CPQ: variants seen among roughly 807,000 people sequenced by gnomAD.
CPQ encodes the protein carboxypeptidase Q.
Under a neutral mutation model 45.7 loss-of-function variants are expected in CPQ, and 37 were observed. That is an observed-to-expected ratio of 0.81 (90% CI 0.62 to 1.07). The LOEUF is 1.07. Ranked by LOEUF, CPQ falls within the 50% of genes least tolerant of loss-of-function variation. The pLI is 0.00. For synonymous variants in CPQ, 186 were observed against 205.8 expected (o/e 0.90, Z 0.82); for missense variants, 537 against 572.9 (o/e 0.94, Z 0.64).
chr8:96,751,625 G>A (rs539837993), intron 1 of CPQ, among the ~76,000 whole-genome samples: 2 of 152,244 alleles, frequency 1.3e-5, no homozygotes, highest in African/African-American at 4.8e-5. Flanking sequence ...TTGCTGTGCA[G>A]AAGCTCTTTA....
intron 2 of CPQ, among the ~76,000 whole-genome samples, chr8:96,800,828 A>G (rs1217507816): frequency 6.6e-6 from 1 of 152,226 alleles, no homozygotes; most frequent in Non-Finnish European, 1.5e-5. Flanking sequence ...TTTTCTACTT[A>G]GGACATTGTG....
At chr8:97,041,154 T>G (rs1337576156) in intron 6 of CPQ, among the ~76,000 whole-genome samples, 1 of 152,218 alleles carries the variant, frequency 6.6e-6, no homozygotes, top group Non-Finnish European at 1.5e-5. Flanking sequence ...TCCTCTTTTA[T>G]TTCATTGAGC....
chr8:96,837,359 A>G (rs1273226976), intron 3 of CPQ, among the ~76,000 whole-genome samples: 1 of 152,200 alleles, frequency 6.6e-6, no homozygotes, highest in African/African-American at 2.4e-5. Flanking sequence ...TAAGGTCGCA[A>G]ATAACTGCCT....
chr8:96,814,144 T>C (rs555109964), intron 2 of CPQ, among the ~76,000 whole-genome samples: 1 of 152,228 alleles, frequency 6.6e-6, no homozygotes, highest in South Asian at 2.1e-4. Context: ...AAGGATGATA[T>C]AAACAATAAA....
chr8:96,839,837 G>A (rs1811583333), intron 3 of CPQ, among the ~76,000 whole-genome samples: 1 of 152,170 alleles, frequency 6.6e-6, no homozygotes, highest in Admixed American at 6.5e-5. Context: ...CACCAACTTT[G>A]TACTATTCTA....
intron 1 of CPQ, among the ~76,000 whole-genome samples, chr8:96,657,270 A>T (rs964936478): frequency 3.9e-5 from 6 of 152,084 alleles, no homozygotes; most frequent in African/African-American, 1.5e-4. Context: ...ACTTGAACCC[A>T]GGAGGCAGAG....
intron 2 of CPQ, among the ~76,000 whole-genome samples, chr8:96,830,529 A>G (rs1442882850): frequency 1.3e-5 from 2 of 152,254 alleles, no homozygotes; most frequent in East Asian, 3.9e-4. Flanking sequence ...GATAGAAAGG[A>G]ACCTGAGGAT....
At chr8:97,004,106 T>A (rs1809335105) in intron 5 of CPQ, among the ~76,000 whole-genome samples, 1 of 152,088 alleles carries the variant, frequency 6.6e-6, no homozygotes, top group South Asian at 2.1e-4. Flanking sequence ...AGGATTGAAA[T>A]GTGTAGATAG....
At chr8:96,984,046 G>A (rs1813956158) in intron 5 of CPQ, among the ~76,000 whole-genome samples, 1 of 151,886 alleles carries the variant, frequency 6.6e-6, no homozygotes, top group African/African-American at 2.4e-5. Flanking sequence ...ATTGGATTCA[G>A]TGGTTTTTCT....
intron 2 of CPQ, among the ~76,000 whole-genome samples, chr8:96,807,557 A>G (rs1234266411): frequency 6.6e-6 from 1 of 152,192 alleles, no homozygotes; most frequent in Non-Finnish European, 1.5e-5. Flanking sequence ...ATAGTTACCC[A>G]TGAATCCTCA....
intron 7 of CPQ, among the ~76,000 whole-genome samples, chr8:97,131,045 T>G (rs983636626): frequency 2.0e-5 from 3 of 152,172 alleles, no homozygotes; most frequent in African/African-American, 7.2e-5. Context: ...TTAGCTAACA[T>G]TCACCCAATT....
chr8:96,859,922 T>A (rs1811904802), intron 3 of CPQ, among the ~76,000 whole-genome samples: 1 of 152,184 alleles, frequency 6.6e-6, no homozygotes, highest in Non-Finnish European at 1.5e-5. Flanking sequence ...ATTTCTGGAT[T>A]TAAAATATGG....
At chr8:96,705,593 G>A (rs1334718492) in intron 1 of CPQ, among the ~76,000 whole-genome samples, 3 of 152,158 alleles carry the variant, frequency 2.0e-5, no homozygotes, top group Non-Finnish European at 2.9e-5. Flanking sequence ...CCCTAGACCT[G>A]TGGCTGCTAA....
intron 7 of CPQ, among the ~76,000 whole-genome samples, chr8:97,093,833 T>A (rs1811166612): frequency 6.6e-6 from 1 of 152,216 alleles, no homozygotes; most frequent in South Asian, 2.1e-4. Flanking sequence ...CCTTCTACTT[T>A]AAATCTAAAG....
At chr8:96,720,144 C>T (rs186806934) in intron 1 of CPQ, among the ~76,000 whole-genome samples, 5 of 152,262 alleles carry the variant, frequency 3.3e-5, no homozygotes, top group East Asian at 1.9e-4. Context: ...TATATCAAGA[C>T]GATATTTTCA....
At chr8:96,779,330 A>G (rs1417292959) in intron 1 of CPQ, among the ~76,000 whole-genome samples, 1 of 151,958 alleles carries the variant, frequency 6.6e-6, no homozygotes, top group Non-Finnish European at 1.5e-5. Context: ...TCTATGCATG[A>G]GAATGTTTGA....
chr8:96,893,097 G>C (rs1482801901), intron 4 of CPQ, among the ~76,000 whole-genome samples: 1 of 152,160 alleles, frequency 6.6e-6, no homozygotes, highest in Non-Finnish European at 1.5e-5. Flanking sequence ...AGAAACGAAG[G>C]CTTAGAGAGG....
intron 5 of CPQ, among the ~76,000 whole-genome samples, chr8:96,991,621 C>T (rs1020548500): frequency 4.0e-5 from 6 of 150,940 alleles, no homozygotes; most frequent in African/African-American, 1.2e-4. Flanking sequence ...CTACATCTAG[C>T]TATAATTATT....
Position 97,053,690 on chromosome 8 carries a change from G to C in CPQ, c.1054-12319G>C, listed in dbSNP as rs140105814. ...TTTCTCTGAGTGAGGTTGGAACTAT[G>C]GGAGGCTTTTGAGCATAGGAGAAAC... is the stretch of plus-strand genomic sequence containing the variant. On this transcript the variant is annotated intron_variant, in intron 6 of 7. Transcript: ENST00000220763. 7.0e-3 allele frequency among the ~76,000 whole-genome samples: 1,069 copies of C among 152,266 alleles called. 13 individuals carry two copies. Among genetic ancestry groups the C allele is most frequent in the African/African-American group, 0.024 (1,007 of 41,564 alleles).
Sources: gnomAD v4.1 joint callset for allele counts (sites outside exome capture counted in the v4.1 genomes callset) on GRCh38, gnomAD v4.1.1 for gene constraint, MANE v1.5 for transcripts, NCBI Gene and HGNC (gene_info 2026-07-23, HGNC 2026-07-21) for gene names.